CCDC141: variants seen among roughly 807,000 people sequenced by gnomAD.
The protein encoded by CCDC141 is coiled-coil domain-containing protein 141.
CCDC141 carries 168 observed loss-of-function variants against 181.0 expected under a neutral mutation model. The observed-to-expected ratio is 0.93, with a 90% confidence interval of 0.82 to 1.05. CCDC141 has a LOEUF of 1.05. CCDC141 is among the 50% of genes least tolerant of loss of function. The probability of loss-of-function intolerance (pLI) is 0.00; values close to 1 mark genes in which losing one functional copy is unlikely to be tolerated. For missense variants in CCDC141, 1,902 were observed against 1,788.5 expected, an observed-to-expected ratio of 1.06 and a Z score of -1.14; for synonymous variants, 666 against 642.3, an observed-to-expected ratio of 1.04 and a Z score of -0.56.
chr2:178,916,906 G>A (rs541222757), intron 7 of CCDC141, among the ~76,000 whole-genome samples: 22 of 151,746 alleles, frequency 1.4e-4, no homozygotes, highest in Admixed American at 4.6e-4. Flanking sequence ...TACTGTATGA[G>A]TTTGAGAAAG....
chr2:178,837,830 A>G, intron 22 of CCDC141, 86 bp from the exon 23 acceptor site: 3 of 1,440,160 alleles, frequency 2.1e-6, no homozygotes, highest in Non-Finnish European at 2.7e-6. Flanking sequence ...CTTCAGAGAG[A>G]TAACTCGAGA....
At chr2:178,899,880 A>G (rs767380306) in intron 8 of CCDC141, among the ~76,000 whole-genome samples, 6 of 152,132 alleles carry the variant, frequency 3.9e-5, no homozygotes, top group Non-Finnish European at 8.8e-5. Context: ...CACATAAATT[A>G]TTAGATGAGG....
chr2:178,820,998 T>G, the CCDC141 span, among the ~76,000 whole-genome samples: 1 of 152,180 alleles, frequency 6.6e-6, no homozygotes, highest in South Asian at 2.1e-4. Context: ...TAATACTCAC[T>G]GGACACAAAA....
At chr2:178,867,475 A>C (rs1685904476) in intron 16 of CCDC141, among the ~76,000 whole-genome samples, 1 of 152,144 alleles carries the variant, frequency 6.6e-6, no homozygotes, top group African/African-American at 2.4e-5. Flanking sequence ...TTTTCATAAT[A>C]CCTCTTTGAA....
At chr2:178,848,115 TAA>T (rs1365569580) in intron 21 of CCDC141, among the ~76,000 whole-genome samples, 1 of 152,136 alleles carries the variant, frequency 6.6e-6, no homozygotes, top group East Asian at 1.9e-4. Flanking sequence ...GTGATATAGC[TAA>T]GGAAGGATTT....
At position 178,888,438 on chromosome 2, in the gene CCDC141, C is replaced by T. The variant is rs928294479; in HGVS notation, c.1407+89G>A. On this transcript the variant is annotated intron_variant, in intron 9 of 23. Transcript: ENST00000443758. Reference sequence around the variant, plus strand: ...ATAAGGGCAGCCTAAGGAGACATGCCCCTGTCCTCCCGCCATGCCCACATA... The same window carrying T: ...ATAAGGGCAGCCTAAGGAGACATGCTCCTGTCCTCCCGCCATGCCCACATA... The T allele has an allele frequency of 8.2e-6, 10 of 1,212,652 alleles. No homozygotes were observed. In the South Asian group the frequency reaches 1.4e-4, roughly 17 times the overall value. The allele number at this position is 1,212,652 out of a possible 1,614,324, so 75.1% of individuals were successfully genotyped here. A position where few individuals can be genotyped will look rare whatever the true frequency, so the allele number is the denominator to read the frequency against.
At chr2:178,856,135 A>G (rs1272674251) in intron 18 of CCDC141, 122 bp downstream of exon 18, 1 of 760,734 alleles carries the variant, frequency 1.3e-6, no homozygotes, top group Non-Finnish European at 2.0e-6. Context: ...ATACCCTTTG[A>G]GTCCCAATGC....
At chr2:179,001,822 GTTC>G (rs2041992108) in intron 2 of CCDC141, 1 of 152,096 alleles carries the variant, frequency 6.6e-6, no homozygotes, top group African/African-American at 2.4e-5. Context: ...TCAACGCAAA[GTTC>G]TTTTTTTCCT....
intron 20 of CCDC141, among the ~76,000 whole-genome samples, chr2:178,851,223 A>T (rs1038659814): frequency 6.8e-6 from 1 of 147,816 alleles, no homozygotes; most frequent in Admixed American, 6.7e-5. Context: ...AAAAAAAAAA[A>T]AGGACTTCTT....
rs1684324729 is a variant in CCDC141, at chr2:178,833,095, T to A, written c.*1078A>T. On this transcript the variant is annotated 3_prime_UTR_variant, in exon 24 of 24. Coordinates refer to ENST00000443758, the MANE Select transcript of CCDC141 (RefSeq NM_173648.4). Reference sequence around the variant, plus strand: ...AGAAATTAGATAGGAATTTAAGCTCTAATTCATAAAACATCACTTTCCTCC... The same window carrying A: ...AGAAATTAGATAGGAATTTAAGCTCAAATTCATAAAACATCACTTTCCTCC... 1 of 152,210 alleles carries A rather than the reference T, an allele frequency of 6.6e-6. No homozygotes were observed. The highest frequency in any genetic ancestry group is 2.1e-4 in the South Asian group (1 of 4,828). 9.4% of individuals were successfully genotyped at this position (152,210 alleles called of 1,614,324 possible). A position where few individuals can be genotyped will look rare whatever the true frequency, so the allele number is the denominator to read the frequency against.
Position 178,834,362 on chromosome 2 carries a change from A to T in CCDC141, c.4404T>A (p.Ile1468=). ...LHKETRHSVF[I]PKVCKADAGL... ...CTGCGTCTGCCTTGCATACCTTTGGAATGAACACCGAATGCCTTGTCTCCT... is the reference window on the plus strand; with the variant it reads ...CTGCGTCTGCCTTGCATACCTTTGGTATGAACACCGAATGCCTTGTCTCCT... Residue 1468 remains isoleucine (I), a synonymous_variant, in exon 24 of 24, where the codon ATT becomes ATA. Coordinates refer to ENST00000443758, the MANE Select transcript of CCDC141 (RefSeq NM_173648.4). 1 of 1,536,296 alleles carries T rather than the reference A, an allele frequency of 6.5e-7. No individual in the cohort carries two copies. The highest frequency in any genetic ancestry group is 8.7e-7 in the Non-Finnish European group (1 of 1,146,886).
At chr2:178,855,690 A>G (rs1575133945) in intron 18 of CCDC141, 149 bp from the exon 19 acceptor site, 1 of 535,988 alleles carries the variant, frequency 1.9e-6, no homozygotes, top group South Asian at 3.2e-5. Context: ...TATGGTAAGA[A>G]TGGGTTTCCC....
intron 2 of CCDC141, among the ~76,000 whole-genome samples, chr2:179,008,192 G>C (rs1354308275): frequency 6.6e-6 from 1 of 152,152 alleles, no homozygotes; most frequent in Admixed American, 6.5e-5. Context: ...AGAGTATTTT[G>C]GTCAAACAAA....
intron 2 of CCDC141, among the ~76,000 whole-genome samples, chr2:179,005,854 C>T (rs1186709378): frequency 1.3e-5 from 2 of 152,198 alleles, no homozygotes; most frequent in African/African-American, 4.8e-5. Context: ...AAGTGATCCA[C>T]CCACCTTGGC....
chr2:179,020,062 A>T (rs913882919), intron 2 of CCDC141, among the ~76,000 whole-genome samples: 1 of 152,142 alleles, frequency 6.6e-6, no homozygotes, highest in Non-Finnish European at 1.5e-5. Flanking sequence ...AGCTGGAAAG[A>T]TCATTTGATA....
chr2:179,002,296 C>A (rs1242994698), intron 2 of CCDC141: 2 of 276,648 alleles, frequency 7.2e-6, no homozygotes, highest in Non-Finnish European at 1.4e-5. Flanking sequence ...ACAGGGCATT[C>A]CTGTTATACA....
At chr2:178,825,841 A>T (rs1198943932), downstream of CCDC141, among the ~76,000 whole-genome samples, 1 of 151,924 alleles carries the variant, frequency 6.6e-6, no homozygotes, top group Non-Finnish European at 1.5e-5. Flanking sequence ...TGCTTTGGTG[A>T]TTTTGCTATA....
intron 6 of CCDC141, among the ~76,000 whole-genome samples, chr2:178,932,621 G>A (rs916857034): frequency 6.6e-6 from 1 of 152,122 alleles, no homozygotes; most frequent in South Asian, 2.1e-4. Flanking sequence ...CACATATAGT[G>A]TATATGTGCA....
chr2:179,049,749 G>T, intron 1 of CCDC141, 91 bp downstream of exon 1: 1 of 1,388,106 alleles, frequency 7.2e-7, no homozygotes, highest in Non-Finnish European at 1.0e-6. Flanking sequence ...TCTATGCTGT[G>T]TCCTGCCGAT....
Sources: allele counts gnomAD v4.1 joint callset (sites outside exome capture counted in the v4.1 genomes callset), GRCh38; gene constraint gnomAD v4.1.1; transcripts MANE v1.5; gene names NCBI Gene and HGNC (gene_info 2026-07-23, HGNC 2026-07-21).